GLIS3: variants seen among roughly 807,000 people sequenced by gnomAD.
GLIS3 encodes zinc finger protein GLIS3.
Under a neutral mutation model 78.6 loss-of-function variants are expected in GLIS3, and 53 were observed. That is an observed-to-expected ratio of 0.67 (90% confidence interval 0.54 to 0.85). The LOEUF (loss-of-function observed/expected upper bound fraction) is 0.85, where lower values mean the gene tolerates loss of function less well. GLIS3 is among the 40% of genes least tolerant of loss of function. The pLI is 0.00. For synonymous variants in GLIS3, 684 were observed against 509.9 expected, an observed-to-expected ratio of 1.34 and a Z score of -4.60; for missense variants, 1,703 against 1,231.1, an observed-to-expected ratio of 1.38 and a Z score of -5.74.
the GLIS3 span, among the ~76,000 whole-genome samples, chr9:4,454,106 T>C: frequency 6.6e-6 from 1 of 150,684 alleles, no homozygotes; most frequent in African/African-American, 2.4e-5. Flanking sequence ...AGCTACCAGT[T>C]TAAAATGTTC....
chr9:4,012,004 G>C (rs1426936291), intron 4 of GLIS3, among the ~76,000 whole-genome samples: 1 of 152,100 alleles, frequency 6.6e-6, no homozygotes, highest in East Asian at 1.9e-4. Flanking sequence ...GAGGCACTGA[G>C]ATCTTTCTTC....
intron 2 of GLIS3, among the ~76,000 whole-genome samples, chr9:4,194,206 C>T (rs1003993821): frequency 2.0e-5 from 3 of 152,114 alleles, no homozygotes; most frequent in East Asian, 3.9e-4. Context: ...TACAGGCCCA[C>T]GCTGCCACGC....
intron 4 of GLIS3, among the ~76,000 whole-genome samples, chr9:3,963,177 G>A (rs1817694117): frequency 6.6e-6 from 1 of 152,156 alleles, no homozygotes; most frequent in South Asian, 2.1e-4. Flanking sequence ...TTATTTTTGT[G>A]TCTACGGAGG....
intron 7 of GLIS3, among the ~76,000 whole-genome samples, chr9:3,896,022 T>C (rs1822806831): frequency 6.6e-6 from 1 of 152,268 alleles, no homozygotes; most frequent in African/African-American, 2.4e-5. Flanking sequence ...TAACTCCAAG[T>C]ACTTTTGCTA....
chr9:3,885,209 A>G (rs10974027), intron 7 of GLIS3, among the ~76,000 whole-genome samples: 29,517 of 152,236 alleles, frequency 0.19, 2,928 homozygotes, highest in African/African-American at 0.21. Context: ...ATCCACTGCT[A>G]GGAAAAGAAG....
At chr9:4,236,184 CAAAA>C (rs59839951) in intron 2 of GLIS3, among the ~76,000 whole-genome samples, 138 of 84,284 alleles carry the variant, frequency 1.6e-3, no homozygotes, top group Middle Eastern at 7.8e-3. Flanking sequence ...GTGGTTGTCA[CAAAA>C]AAAAAAAAAA....
chr9:4,189,312 G>C (rs1228496780), intron 2 of GLIS3, among the ~76,000 whole-genome samples: 7 of 152,146 alleles, frequency 4.6e-5, no homozygotes, highest in Non-Finnish European at 8.8e-5. Context: ...GCGGTTTTGA[G>C]TGAGTTTCTT....
intron 4 of GLIS3, among the ~76,000 whole-genome samples, chr9:4,092,402 T>G (rs574811371): frequency 6.6e-6 from 1 of 152,266 alleles, no homozygotes; most frequent in East Asian, 1.9e-4. Context: ...TCCGCCTGCC[T>G]CAGCCTCCCA....
chr9:4,014,619 G>C (rs1468507796), intron 4 of GLIS3, among the ~76,000 whole-genome samples: 1 of 152,176 alleles, frequency 6.6e-6, no homozygotes, highest in Non-Finnish European at 1.5e-5. Context: ...TTTTTCCTTA[G>C]AGCCATCAAT....
At chr9:4,379,347 A>T in the GLIS3 span, among the ~76,000 whole-genome samples, 1 of 152,238 alleles carries the variant, frequency 6.6e-6, no homozygotes, top group Non-Finnish European at 1.5e-5. Context: ...TGCTACTGTT[A>T]TTTAAAATGT....
intron 2 of GLIS3, among the ~76,000 whole-genome samples, chr9:4,236,225 G>GA (rs974934142): frequency 6.7e-5 from 7 of 103,794 alleles, no homozygotes; most frequent in Non-Finnish European, 1.2e-4. Context: ...AGAAAGAAAG[G>GA]AAAAAAAAGA....
chr9:4,358,142 A>T, the GLIS3 span, among the ~76,000 whole-genome samples: 1 of 152,200 alleles, frequency 6.6e-6, no homozygotes, highest in African/African-American at 2.4e-5. Context: ...ATCCATATGT[A>T]TATATGTGTA....
At chr9:4,181,279 G>GACA (rs1817302460) in intron 2 of GLIS3, among the ~76,000 whole-genome samples, 1 of 152,238 alleles carries the variant, frequency 6.6e-6, no homozygotes, top group African/African-American at 2.4e-5. Flanking sequence ...GCCTCATGCA[G>GACA]ACACTTTTTA....
rs143528711 is a variant in GLIS3 at position 3,956,394 on chromosome 9, C to A, written c.1711-19205G>T. On this transcript the variant is annotated intron_variant, in intron 4 of 10. Coordinates refer to ENST00000381971, the MANE Select transcript of GLIS3 (RefSeq NM_001042413.2). ...ATGGTATCCAAATTAACAGAAATGT[C>A]CTGGACAGAAGCCTTCAGATCACCA... Among the ~76,000 whole-genome samples, 351 of 152,272 alleles carry A rather than the reference C, an allele frequency of 2.3e-3. 1 individual carries two copies. The highest frequency in any genetic ancestry group is 8.2e-3 in the African/African-American group (342 of 41,552).
At chr9:4,397,219 G>A in the GLIS3 span, among the ~76,000 whole-genome samples, 1 of 142,172 alleles carries the variant, frequency 7.0e-6, no homozygotes, top group Non-Finnish European at 1.5e-5. Context: ...TAGAGACGGG[G>A]TTTCACCGTT....
intron 2 of GLIS3, among the ~76,000 whole-genome samples, chr9:4,217,434 G>A (rs1022762605): frequency 5.9e-5 from 9 of 152,112 alleles, no homozygotes; most frequent in South Asian, 2.1e-4. Flanking sequence ...CTTTCCAAGC[G>A]GGGACATCAT....
chr9:4,215,326 T>C (rs1021104352), intron 2 of GLIS3, among the ~76,000 whole-genome samples: 3 of 31,296 alleles, frequency 9.6e-5, no homozygotes, highest in Non-Finnish European at 2.0e-4. Context: ...TGTGTGTGCA[T>C]ATGTGTGTGT....
the GLIS3 span, among the ~76,000 whole-genome samples, chr9:4,401,890 G>C: frequency 1.3e-5 from 2 of 152,156 alleles, no homozygotes; most frequent in African/African-American, 2.4e-5. Context: ...GCTCCAGGGA[G>C]AGGCCCCTCT....
Position 4,247,566 on chromosome 9 carries a change from C to G in GLIS3, c.388+38472G>C, listed in dbSNP as rs537137697. ...TCCCTAGGAATGTTCATTCCTGTAC[C>G]AGAAATGTCCTATTAAAATCAGGGA... On this transcript the variant is annotated intron_variant, in intron 2 of 10. Coordinates refer to ENST00000381971, the MANE Select transcript of GLIS3 (RefSeq NM_001042413.2). Among the ~76,000 whole-genome samples, 3 of 152,142 alleles carry G rather than the reference C, an allele frequency of 2.0e-5. No homozygotes were observed. The East Asian group carries it at 5.8e-4, about 29-fold the overall frequency.
Sources: allele counts gnomAD v4.1 joint callset (sites outside exome capture counted in the v4.1 genomes callset), GRCh38; gene constraint gnomAD v4.1.1; transcripts MANE v1.5; gene names NCBI Gene and HGNC (gene_info 2026-07-23, HGNC 2026-07-21).